Variants in GAS7 observed in about 807,000 individuals in gnomAD.
The protein encoded by GAS7 is growth arrest specific 7.
A neutral mutation model predicts 71.1 loss-of-function variants in GAS7; 28 were observed. The observed-to-expected ratio is 0.39, with a 90% CI of 0.29 to 0.54. GAS7 has a LOEUF of 0.54. Among genes scored for constraint, GAS7 ranks in the 20% least tolerant of loss-of-function variants. The pLI is 0.62. For missense variants in GAS7, 436 were observed against 627.8 expected, an observed-to-expected ratio of 0.69 and a Z score of 3.27; for synonymous variants, 258 against 245.8, an observed-to-expected ratio of 1.05 and a Z score of -0.46.
chr17:10,121,388 AAAT>A (rs1330314376), intron 1 of GAS7, among the ~76,000 whole-genome samples: 12 of 152,134 alleles, frequency 7.9e-5, no homozygotes, highest in Non-Finnish European at 1.2e-4. Context: ...CTCAAAAAAC[AAAT>A]AAAAAATTTA....
intron 1 of GAS7, among the ~76,000 whole-genome samples, chr17:10,137,097 G>A (rs966511624): frequency 8.7e-5 from 13 of 148,698 alleles, no homozygotes; most frequent in Admixed American, 4.8e-4. Flanking sequence ...CTGGGCAACC[G>A]AGCGAGACCC....
intron 2 of GAS7, among the ~76,000 whole-genome samples, chr17:10,017,454 G>A (rs545591496): frequency 5.9e-5 from 9 of 151,822 alleles, no homozygotes; most frequent in Non-Finnish European, 8.8e-5. Context: ...TCAGCCTCCC[G>A]GGTAGCTGGG....
intron 1 of GAS7, among the ~76,000 whole-genome samples, chr17:10,110,953 A>T (rs2142065692): frequency 6.6e-6 from 1 of 152,360 alleles, no homozygotes; most frequent in South Asian, 2.1e-4. Context: ...TATACATGCA[A>T]CCAAATATCA....
chr17:9,993,054 G>A (rs1384021940), intron 2 of GAS7, among the ~76,000 whole-genome samples: 10 of 151,976 alleles, frequency 6.6e-5, no homozygotes, highest in South Asian at 4.2e-4. Flanking sequence ...GAATAATGCC[G>A]CAATAAACAT....
At chr17:10,072,518 A>G (rs1276625633) in intron 1 of GAS7, among the ~76,000 whole-genome samples, 1 of 152,170 alleles carries the variant, frequency 6.6e-6, no homozygotes, top group East Asian at 1.9e-4. Flanking sequence ...AGAAGAGCCA[A>G]GGCAGGAGTC....
chr17:10,160,051 C>T (rs1266274748), intron 1 of GAS7, among the ~76,000 whole-genome samples: 1 of 151,068 alleles, frequency 6.6e-6, no homozygotes, highest in East Asian at 1.9e-4. Flanking sequence ...GTAGCTGGCA[C>T]TACAGGTGCG....
In GAS7 at chr17:10,041,237, C is replaced by A. The variant is rs2072863052; in HGVS notation, c.184-21340G>T. Reference sequence around the variant, plus strand: ...ATGGCCAAGACCTTCACCTTCAGTCCTTACAGGTTTGTGAAATTAAAATGG... The same window carrying A: ...ATGGCCAAGACCTTCACCTTCAGTCATTACAGGTTTGTGAAATTAAAATGG... On this transcript the variant is annotated intron_variant, in intron 1 of 13. Coordinates refer to ENST00000432992, the MANE Select transcript of GAS7 (RefSeq NM_201433.2). 2.0e-5 allele frequency among the ~76,000 whole-genome samples: 3 copies of A among 151,932 alleles called. No individual in the cohort carries two copies. In the South Asian group the frequency reaches 6.2e-4, roughly 32 times the overall value.
At chr17:10,102,833 G>A (rs946288695) in intron 1 of GAS7, among the ~76,000 whole-genome samples, 6 of 151,574 alleles carry the variant, frequency 4.0e-5, no homozygotes, top group Non-Finnish European at 7.4e-5. Context: ...TAAACGGAGA[G>A]CCACAAATCC....
intron 1 of GAS7, chr17:10,036,840 G>A: frequency 1.6e-6 from 1 of 616,900 alleles, no homozygotes; most frequent in Non-Finnish European, 2.2e-6. Context: ...GGCCAAGCTT[G>A]TGTCACTGAG....
intron 1 of GAS7, among the ~76,000 whole-genome samples, chr17:10,066,520 G>A (rs935395233): frequency 6.6e-6 from 1 of 152,072 alleles, no homozygotes; most frequent in African/African-American, 2.4e-5. Flanking sequence ...TTGTTTTGCA[G>A]AGACAGACTC....
chr17:10,154,333 T>C (rs780938347), intron 1 of GAS7, among the ~76,000 whole-genome samples: 3 of 151,294 alleles, frequency 2.0e-5, no homozygotes, highest in East Asian at 2.0e-4. Context: ...ACCTTGTCTC[T>C]ACAAGAAATA....
chr17:10,171,743 T>C (rs1483092459), intron 1 of GAS7, among the ~76,000 whole-genome samples: 2 of 152,104 alleles, frequency 1.3e-5, no homozygotes, highest in South Asian at 2.1e-4. Flanking sequence ...CTCTGATTGG[T>C]TGTGTGTCCT....
At chr17:9,992,899 C>T (rs1221714917) in intron 2 of GAS7, among the ~76,000 whole-genome samples, 1 of 151,820 alleles carries the variant, frequency 6.6e-6, no homozygotes, top group Non-Finnish European at 1.5e-5. Flanking sequence ...ATGATGATTT[C>T]CAGTTTCATC....
intron 1 of GAS7, among the ~76,000 whole-genome samples, chr17:10,121,558 G>C (rs918102363): frequency 3.3e-5 from 5 of 152,114 alleles, no homozygotes; most frequent in Admixed American, 6.5e-5. Flanking sequence ...CTATTGTGAG[G>C]ATTAAATGAG....
Position 10,034,031 on chromosome 17 carries a change from C to T in GAS7, c.184-14134G>A, listed in dbSNP as rs2072686409. ...CACCAACCCGATTCAACTAACATTT[C>T]TGGAGCTGCTGCCGCTGGCACATAT... On this transcript the variant is annotated intron_variant, in intron 1 of 13. Transcript: ENST00000432992. The surrounding 1 kb of genome is among the most constrained non-coding windows in gnomAD (Gnocchi z 4.4). 2.9e-6 allele frequency: 2 copies of T among 698,674 alleles called. No individual in the cohort carries two copies. Among genetic ancestry groups the T allele is most frequent in the Non-Finnish European group, 3.5e-6 (2 of 567,938 alleles). 43.3% of individuals were successfully genotyped at this position (698,674 alleles called of 1,614,324 possible).
chr17:10,166,384 C>G (rs1042535027), intron 1 of GAS7, among the ~76,000 whole-genome samples: 1 of 152,198 alleles, frequency 6.6e-6, no homozygotes, highest in Admixed American at 6.6e-5. Context: ...TCAACTCACT[C>G]CCAAGGAGAA....
intron 8 of GAS7, among the ~76,000 whole-genome samples, chr17:9,939,373 C>A (rs1209053499): frequency 6.6e-6 from 1 of 152,144 alleles, no homozygotes; most frequent in Non-Finnish European, 1.5e-5. Context: ...ACAGTCACAG[C>A]ATTAGCGGGA....
chr17:9,927,286 T>TACAC (rs1471466286), intron 9 of GAS7, among the ~76,000 whole-genome samples: 44 of 68,750 alleles, frequency 6.4e-4, no homozygotes, highest in East Asian at 1.8e-3. Flanking sequence ...CCATCTCTAC[T>TACAC]ACATACACAC....
rs1413681897 is a variant in GAS7, at chr17:9,919,597, G to A, written c.1218+29C>T. The A allele has an allele frequency of 1.3e-6, 2 of 1,524,910 alleles. No individual in the cohort carries two copies. Among genetic ancestry groups the A allele is most frequent in the East Asian group, 2.2e-5 (1 of 44,486 alleles). The allele number at this position is 1,524,910 out of a possible 1,614,324, so 94.5% of individuals were successfully genotyped here. A position where few individuals can be genotyped will look rare whatever the true frequency, so the allele number is the denominator to read the frequency against. ...GCTGCTCTGTGTCAGCCTCTGTACT[G>A]CCATGTCCACACATCCCTGCCCGCT... On this transcript the variant is annotated intron_variant, in intron 12 of 13. Transcript: ENST00000432992. This position sits in a 1 kb window ranked among gnomAD's most constrained non-coding sequence, Gnocchi z 5.0.
Sources: gnomAD v4.1 joint callset for allele counts (sites outside exome capture counted in the v4.1 genomes callset) on GRCh38, gnomAD v4.1.1 for gene constraint, Gnocchi (gnomAD v3.1) non-coding constraint, MANE v1.5 for transcripts, NCBI Gene and HGNC (gene_info 2026-07-23, HGNC 2026-07-21) for gene names.